DTNB: variants seen among roughly 807,000 people sequenced by gnomAD.
DTNB encodes the protein DTN-B.
In DTNB, 63 loss-of-function variants were observed where a neutral mutation model predicts 90.7. The observed-to-expected ratio is 0.69, with a 90% CI of 0.57 to 0.86. DTNB has a LOEUF of 0.86. Among genes scored for constraint, DTNB ranks in the 40% least tolerant of loss-of-function variants. The probability of loss-of-function intolerance (pLI) is 0.00; values close to 1 mark genes in which losing one functional copy is unlikely to be tolerated. For missense variants in DTNB, 744 were observed against 807.1 expected, an observed-to-expected ratio of 0.92 and a Z score of 0.95; for synonymous variants, 277 against 286.7, an observed-to-expected ratio of 0.97 and a Z score of 0.34.
chr2:25,614,653 T>C (rs1243181742), intron 4 of DTNB, among the ~76,000 whole-genome samples: 2 of 152,208 alleles, frequency 1.3e-5, no homozygotes, highest in Non-Finnish European at 2.9e-5. Flanking sequence ...TAGAGAGATA[T>C]ACTATGTTCA....
At chr2:25,519,765 TC>T (rs899815224) in intron 9 of DTNB, among the ~76,000 whole-genome samples, 2 of 152,154 alleles carry the variant, frequency 1.3e-5, no homozygotes, top group African/African-American at 4.8e-5. Context: ...CAGAAATGGT[TC>T]AAGATTACAA....
intron 20 of DTNB, among the ~76,000 whole-genome samples, chr2:25,377,844 C>G (rs2036280649): frequency 6.6e-6 from 1 of 152,110 alleles, no homozygotes; most frequent in African/African-American, 2.4e-5. Flanking sequence ...TGAGGTGTGC[C>G]GATGAATACT....
chr2:25,521,981 A>G (rs955984585), intron 9 of DTNB, among the ~76,000 whole-genome samples: 1 of 152,220 alleles, frequency 6.6e-6, no homozygotes, highest in Non-Finnish European at 1.5e-5. Flanking sequence ...CTGAAATGCA[A>G]TGGTGACTAA....
intron 12 of DTNB, among the ~76,000 whole-genome samples, chr2:25,450,493 CTTTG>C (rs536692358): frequency 5.5e-4 from 83 of 152,264 alleles, no homozygotes; most frequent in African/African-American, 1.7e-3. Context: ...AGTCTGCCAA[CTTTG>C]TTTTTCTTTT....
chr2:25,399,350 C>CT lies in DTNB; in HGVS notation c.1576-10990dup, dbSNP rs774817421. 2.5e-3 allele frequency: 300 copies of CT among 119,916 alleles called. 13 individuals are homozygous for CT. Among genetic ancestry groups the CT allele is most frequent in the African/African-American group, 8.3e-3 (225 of 27,068 alleles). 7.4% of individuals were successfully genotyped at this position (119,916 alleles called of 1,614,324 possible). On this transcript the variant is annotated intron_variant, in intron 16 of 20. Coordinates refer to ENST00000406818, the MANE Select transcript of DTNB (RefSeq NM_021907.5). Reference sequence around the variant, plus strand: ...ACAGGCGTGAGCCATCGCCCCTGACCTTTTTTTTTTTTTTAGACAGGATCT... The same window carrying CT: ...ACAGGCGTGAGCCATCGCCCCTGACCTTTTTTTTTTTTTTTAGACAGGATCT...
chr2:25,652,577 A>C lies in DTNB; in HGVS notation c.67+17T>G. 6.2e-7 allele frequency: 1 copy of C among 1,601,030 alleles called. No individual in the cohort carries two copies. The highest frequency in any genetic ancestry group is 8.5e-7 in the Non-Finnish European group (1 of 1,176,428). On this transcript the variant is annotated intron_variant, in intron 2 of 20. Transcript: ENST00000406818. ...CACAAACATTCCCGCACATATGAAC[A>C]AGGACTCAAGACTCACGCATTTCTA...
chr2:25,647,645 T>A (rs929340646), intron 2 of DTNB, among the ~76,000 whole-genome samples: 2 of 152,026 alleles, frequency 1.3e-5, no homozygotes, highest in Non-Finnish European at 2.9e-5. Context: ...GAAGCCGAGG[T>A]GGGAGGATCG....
At position 25,487,145 on chromosome 2, in the gene DTNB, C is replaced by A. The variant is rs2066374389; in HGVS notation, c.1002-4272G>T. ...TGGGTACCTACTGATAAAAGATTAT[C>A]TTTATTTCAATGACCTAACTGTATA... is the stretch of plus-strand genomic sequence containing the variant. On this transcript the variant is annotated intron_variant, in intron 9 of 20. Coordinates refer to ENST00000406818, the MANE Select transcript of DTNB (RefSeq NM_021907.5). 2.6e-5 allele frequency among the ~76,000 whole-genome samples: 4 copies of A among 152,144 alleles called. No individual in the cohort carries two copies. The South Asian group carries it at 8.3e-4, about 31-fold the overall frequency.
At chr2:25,575,133 T>A (rs530647518) in intron 8 of DTNB, among the ~76,000 whole-genome samples, 14 of 151,528 alleles carry the variant, frequency 9.2e-5, no homozygotes, top group Admixed American at 2.0e-4. Flanking sequence ...AGCCCCAACA[T>A]CCGGAATAAG....
intron 1 of DTNB, among the ~76,000 whole-genome samples, chr2:25,664,093 C>T (rs1246189092): frequency 1.3e-5 from 2 of 151,986 alleles, no homozygotes; most frequent in Non-Finnish European, 2.9e-5. Context: ...TTAGTAAATA[C>T]CTTCAGGTAC....
intron 9 of DTNB, among the ~76,000 whole-genome samples, chr2:25,521,267 A>C (rs75025356): frequency 8.1e-4 from 123 of 152,286 alleles, no homozygotes; most frequent in African/African-American, 2.7e-3. Flanking sequence ...GCCAGATAGT[A>C]AATAATATAA....
intron 1 of DTNB, among the ~76,000 whole-genome samples, chr2:25,653,821 G>A (rs2081527159): frequency 1.3e-5 from 2 of 152,128 alleles, no homozygotes; most frequent in Admixed American, 1.3e-4. Flanking sequence ...CCTGTTCAGA[G>A]CTTTCTTCCA....
chr2:25,545,486 T>C (rs893975311), intron 8 of DTNB, among the ~76,000 whole-genome samples: 1 of 152,218 alleles, frequency 6.6e-6, no homozygotes, highest in African/African-American at 2.4e-5. Context: ...TTTTGTCTTC[T>C]TCTGGCAGGT....
At chr2:25,574,038 TC>T (rs1400148820) in intron 8 of DTNB, among the ~76,000 whole-genome samples, 1 of 152,140 alleles carries the variant, frequency 6.6e-6, no homozygotes, top group East Asian at 1.9e-4. Flanking sequence ...TTATTAACTG[TC>T]TTCTTCTGGA....
At position 25,388,396 on chromosome 2, in the gene DTNB, AG is replaced by A. The variant is rs2040142280; in HGVS notation, c.1576-36del. On this transcript the variant is annotated intron_variant, in intron 16 of 20. Coordinates refer to ENST00000406818, the MANE Select transcript of DTNB (RefSeq NM_021907.5). ...CAAAGACAGAAAATACGTTATCTCA[AG>A]TACCTGACCTCTTTGAGGAAGGAAG... 1.9e-6 allele frequency: 3 copies of A among 1,575,816 alleles called. No individual in the cohort carries two copies. The Admixed American group carries it at 5.4e-5, about 28-fold the overall frequency.
At chr2:25,646,139 G>A (rs372498149) in intron 2 of DTNB, among the ~76,000 whole-genome samples, 10 of 152,132 alleles carry the variant, frequency 6.6e-5, no homozygotes, top group East Asian at 3.9e-4. Flanking sequence ...ATGCCTCACC[G>A]TACCTCTCGG....
chr2:25,564,719 G>T (rs2058761536), intron 8 of DTNB, among the ~76,000 whole-genome samples: 1 of 152,078 alleles, frequency 6.6e-6, no homozygotes, highest in African/African-American at 2.4e-5. Context: ...CCACTTTTTA[G>T]TGCACAAGTT....
rs58871909 is a variant in DTNB, at chr2:25,503,053, C to CAAAAAAAA, written c.1002-20188_1002-20181dup. ...AGAGTGACAGAGCAAGACCCTATCT[C>CAAAAAAAA]AAAAAAAAAAAAAAAAAAAAAAAAA... On this transcript the variant is annotated intron_variant, in intron 9 of 20. Coordinates refer to ENST00000406818, the MANE Select transcript of DTNB (RefSeq NM_021907.5). Among the ~76,000 whole-genome samples, 3 of 15,358 alleles carry CAAAAAAAA rather than the reference C, an allele frequency of 2.0e-4. 1 individual carries two copies. Among genetic ancestry groups the CAAAAAAAA allele is most frequent in the Non-Finnish European group, 2.7e-4 (2 of 7,478 alleles). The allele number at this position is 15,358 out of a possible 152,430, so 10.1% of individuals were successfully genotyped here. A position where few individuals can be genotyped will look rare whatever the true frequency, so the allele number is the denominator to read the frequency against.
intron 8 of DTNB, chr2:25,558,212 T>C: frequency 1.0e-6 from 1 of 985,388 alleles, no homozygotes. Flanking sequence ...TTAAATTTAT[T>C]TAGAGAAAGA....
Sources: gnomAD v4.1 joint callset for allele counts (sites outside exome capture counted in the v4.1 genomes callset) on GRCh38, gnomAD v4.1.1 for gene constraint, MANE v1.5 for transcripts, NCBI Gene and HGNC (gene_info 2026-07-23, HGNC 2026-07-21) for gene names.